PLXNA2: variants seen among roughly 807,000 people sequenced by gnomAD.
The protein encoded by PLXNA2 is plexin-A2.
A neutral mutation model predicts 193.5 loss-of-function variants in PLXNA2; 91 were observed. That is an observed-to-expected ratio of 0.47 (90% CI 0.40 to 0.56). The LOEUF is 0.56. Ranked by LOEUF, PLXNA2 falls within the 20% of genes least tolerant of loss-of-function variation. The pLI is 0.00. For missense variants in PLXNA2, 1,995 were observed against 2,503.2 expected (o/e 0.80, Z 4.33); for synonymous variants, 997 against 1,027.3 (o/e 0.97, Z 0.56).
At chr1:208,116,259 T>A (rs1463218953) in intron 4 of PLXNA2, among the ~76,000 whole-genome samples, 2 of 152,230 alleles carry the variant, frequency 1.3e-5, no homozygotes, top group Non-Finnish European at 2.9e-5. Flanking sequence ...TTGGCATGAG[T>A]CTAATGCACT....
chr1:208,099,468 C>T (rs913714670), intron 5 of PLXNA2, among the ~76,000 whole-genome samples: 2 of 152,160 alleles, frequency 1.3e-5, no homozygotes, highest in African/African-American at 2.4e-5. Context: ...AGCCAGTGTA[C>T]GCCTATGGAG....
Position 208,216,782 on chromosome 1 carries a change from G to A in PLXNA2, c.1141C>T (p.Leu381=). The A allele has an allele frequency of 6.2e-7, 1 of 1,614,018 alleles. No individual in the cohort carries two copies. Among genetic ancestry groups the A allele is most frequent in the Non-Finnish European group, 8.5e-7 (1 of 1,180,030 alleles). The change falls in exon 2 of 32, where the codon CTG becomes TTG. Residue 381 remains leucine, a synonymous_variant. Coordinates refer to ENST00000367033, the MANE Select transcript of PLXNA2 (RefSeq NM_025179.4). ...TTCCCCAGCAGCCAGTTGAGCTCCA[G>A]GTTGCCCTCGCCCTGGTAGCAGGAC... ...LQSCYQGEGN[L]ELNWLLGKDV... is the part of the protein sequence containing the mutation.
At chr1:208,168,382 G>A (rs1000481319) in intron 3 of PLXNA2, among the ~76,000 whole-genome samples, 1 of 152,198 alleles carries the variant, frequency 6.6e-6, no homozygotes, top group Non-Finnish European at 1.5e-5. Context: ...GAATGCAACA[G>A]GTGCTGATCT....
In PLXNA2 at chr1:208,078,578, C is replaced by G. The variant is rs538598741; in HGVS notation, c.2586+682G>C. On this transcript the variant is annotated intron_variant, in intron 12 of 31. Transcript: ENST00000367033. ...TCAAAGCATGAGTGACAGTTATAGA[C>G]TAGGGAGCAGTGAAGAGGGAGCACA... 2.0e-5 allele frequency among the ~76,000 whole-genome samples: 3 copies of G among 152,252 alleles called. No individual in the cohort carries two copies. In the East Asian group the frequency reaches 5.8e-4, roughly 29 times the overall value.
intron 3 of PLXNA2, among the ~76,000 whole-genome samples, chr1:208,199,080 C>T (rs1670454203): frequency 6.6e-6 from 1 of 152,104 alleles, no homozygotes; most frequent in African/African-American, 2.4e-5. Flanking sequence ...TGTGGCATTC[C>T]TAGAGAGAAG....
chr1:208,179,465 G>T (rs972588585), intron 3 of PLXNA2, among the ~76,000 whole-genome samples: 1 of 152,100 alleles, frequency 6.6e-6, no homozygotes, highest in Admixed American at 6.5e-5. Flanking sequence ...CTGTGGTCAG[G>T]AACCTCCTCC....
intron 3 of PLXNA2, among the ~76,000 whole-genome samples, chr1:208,207,129 C>A (rs1670755880): frequency 6.6e-6 from 1 of 152,210 alleles, no homozygotes; most frequent in South Asian, 2.1e-4. Context: ...CCTCAGCCTC[C>A]CAAGTGGCTG....
intron 14 of PLXNA2, among the ~76,000 whole-genome samples, chr1:208,052,817 G>A (rs929562899): frequency 3.3e-5 from 5 of 152,042 alleles, no homozygotes; most frequent in Non-Finnish European, 5.9e-5. Context: ...AGCCTTTACT[G>A]ATTTTTTGGG....
At chr1:208,222,016 A>G (rs989581703) in intron 1 of PLXNA2, among the ~76,000 whole-genome samples, 1 of 152,234 alleles carries the variant, frequency 6.6e-6, no homozygotes, top group Non-Finnish European at 1.5e-5. Flanking sequence ...AGAACAGTTC[A>G]TGGCCATCTT....
intron 28 of PLXNA2, among the ~76,000 whole-genome samples, chr1:208,032,753 C>T (rs1426055077): frequency 1.3e-5 from 2 of 152,156 alleles, no homozygotes; most frequent in Non-Finnish European, 2.9e-5. Context: ...CCTTGGATTA[C>T]TGGCAGGGCC....
intron 1 of PLXNA2, among the ~76,000 whole-genome samples, chr1:208,231,309 C>T (rs763305378): frequency 2.6e-5 from 4 of 151,698 alleles, no homozygotes; most frequent in African/African-American, 9.7e-5. Context: ...AGAGAGAAGC[C>T]GGGAAAAGGG....
At chr1:208,234,980 G>A (rs752648964) in intron 1 of PLXNA2, among the ~76,000 whole-genome samples, 3 of 152,192 alleles carry the variant, frequency 2.0e-5, no homozygotes, top group Non-Finnish European at 4.4e-5. Context: ...AGAGATGCAA[G>A]CCCTGTTGCA....
At chr1:208,209,635 C>T (rs2102597678) in intron 3 of PLXNA2, among the ~76,000 whole-genome samples, 1 of 152,312 alleles carries the variant, frequency 6.6e-6, no homozygotes, top group East Asian at 1.9e-4. Context: ...AGCCTGTGCC[C>T]TCCAGCTGGC....
At chr1:208,162,074 T>G (rs1669123601) in intron 3 of PLXNA2, among the ~76,000 whole-genome samples, 1 of 152,178 alleles carries the variant, frequency 6.6e-6, no homozygotes, top group Non-Finnish European at 1.5e-5. Flanking sequence ...TAAATCCTGC[T>G]TGTAGCTCCT....
intron 3 of PLXNA2, among the ~76,000 whole-genome samples, chr1:208,194,460 C>CAAAAAAAAAAAAA (rs10522096): frequency 2.1e-5 from 2 of 93,988 alleles, no homozygotes; most frequent in African/African-American, 3.8e-5. Flanking sequence ...CAGCTTACTG[C>CAAAAAAAAAAAAA]AAAAAAAAAA....
At chr1:208,204,510 C>T (rs965205620) in intron 3 of PLXNA2, among the ~76,000 whole-genome samples, 11 of 152,254 alleles carry the variant, frequency 7.2e-5, no homozygotes, top group Non-Finnish European at 1.6e-4. Context: ...CCTCATGCCA[C>T]TGCCACGCCA....
At chr1:208,085,493 T>C (rs1229263024) in intron 9 of PLXNA2, among the ~76,000 whole-genome samples, 1 of 152,252 alleles carries the variant, frequency 6.6e-6, no homozygotes, top group African/African-American at 2.4e-5. Flanking sequence ...CTACAGGGCC[T>C]GCAGAGGGTG....
At chr1:208,226,224 G>T (rs1671506420) in intron 1 of PLXNA2, among the ~76,000 whole-genome samples, 2 of 152,102 alleles carry the variant, frequency 1.3e-5, no homozygotes, top group East Asian at 3.9e-4. Flanking sequence ...CTCCTGCCCA[G>T]AAGAGTGAAT....
At position 208,026,824 on chromosome 1, in the gene PLXNA2, G is replaced by T. The variant is rs2102355753; in HGVS notation, c.*419C>A. Reference sequence around the variant, plus strand: ...TCAGAATTAAACAAAAGTTGGACGGGATTAACAGGGCGGCTTTTTGTTTTA... The same window carrying T: ...TCAGAATTAAACAAAAGTTGGACGGTATTAACAGGGCGGCTTTTTGTTTTA... On this transcript the variant is annotated 3_prime_UTR_variant, in exon 32 of 32. Transcript: ENST00000367033. 6.5e-6 allele frequency: 1 copy of T among 153,674 alleles called. No individual in the cohort carries two copies. Among genetic ancestry groups the T allele is most frequent in the African/African-American group, 2.4e-5 (1 of 41,546 alleles). The allele number at this position is 153,674 out of a possible 1,614,324, so 9.5% of individuals were successfully genotyped here.
Sources: gnomAD v4.1 joint callset for allele counts (sites outside exome capture counted in the v4.1 genomes callset) on GRCh38, gnomAD v4.1.1 for gene constraint, MANE v1.5 for transcripts, NCBI Gene and HGNC (gene_info 2026-07-23, HGNC 2026-07-21) for gene names.